Variants in ZRANB3 observed in about 807,000 individuals in gnomAD.
ZRANB3 encodes the protein zinc finger RANBP2-type containing 3, also known as DNA annealing helicase and endonuclease ZRANB3.
A neutral mutation model predicts 133.8 loss-of-function variants in ZRANB3; 125 were observed. The observed-to-expected ratio is 0.93, with a 90% confidence interval of 0.81 to 1.08. The LOEUF (loss-of-function observed/expected upper bound fraction) is 1.08. Ranked by LOEUF, ZRANB3 falls within the 50% of genes least tolerant of loss-of-function variation. The probability of loss-of-function intolerance (pLI) is 0.00; values close to 1 mark genes in which losing one functional copy is unlikely to be tolerated. For missense variants in ZRANB3, 1,229 were observed against 1,275.5 expected (o/e 0.96, Z 0.56); for synonymous variants, 387 against 432.7 (o/e 0.89, Z 1.31).
intron 8 of ZRANB3, among the ~76,000 whole-genome samples, chr2:135,301,589 C>T (rs1682435361): frequency 6.6e-6 from 1 of 152,134 alleles, no homozygotes; most frequent in African/African-American, 2.4e-5. Context: ...TTTTGGTTCC[C>T]TGAATATGTC....
chr2:135,385,339 A>C (rs1217084258), intron 3 of ZRANB3, among the ~76,000 whole-genome samples: 1 of 152,234 alleles, frequency 6.6e-6, no homozygotes, highest in Non-Finnish European at 1.5e-5. Flanking sequence ...ATGAAATAAA[A>C]GAGGATACAA....
chr2:135,398,246 T>C (rs1322060850), intron 2 of ZRANB3, among the ~76,000 whole-genome samples: 4 of 151,600 alleles, frequency 2.6e-5, no homozygotes, highest in Non-Finnish European at 5.9e-5. Flanking sequence ...TTTTGTTTTT[T>C]TAGTAGAGAC....
At chr2:135,219,268 T>C in intron 15 of ZRANB3, 90 bp from the exon 16 acceptor site, 3 of 858,466 alleles carry the variant, frequency 3.5e-6, no homozygotes, top group Non-Finnish European at 5.2e-6. Flanking sequence ...TATGACACAA[T>C]ATGCCTAGTC....
In ZRANB3 at chr2:135,219,085, G is replaced by A. The variant is rs1211413604; in HGVS notation, c.2344C>T (p.Arg782Cys). The A allele has an allele frequency of 6.7e-6, 10 of 1,499,426 alleles. No individual in the cohort carries two copies. The highest frequency in any genetic ancestry group is 2.5e-5 in the East Asian group (1 of 39,656). 92.9% of individuals were successfully genotyped at this position (1,499,426 alleles called of 1,614,324 possible). A position where few individuals can be genotyped will look rare whatever the true frequency, so the allele number is the denominator to read the frequency against. ...LPASFQLKQY[R>C]SLILRFVREW... Reference sequence around the variant, plus strand: ...TTTAAAACTATTCTTACCAGTGAGCGATATTGTTTCAGCTGAAAGCTTGCT... The same window carrying A: ...TTTAAAACTATTCTTACCAGTGAGCAATATTGTTTCAGCTGAAAGCTTGCT... Residue 782 changes from arginine (R) to cysteine (C), a missense_variant, in exon 16 of 21, where the codon CGC becomes TGC. Coordinates refer to ENST00000264159, the MANE Select transcript of ZRANB3 (RefSeq NM_032143.4).
chr2:135,485,185 A>AACATAACAT lies in ZRANB3; in HGVS notation c.161+19143_161+19144insATGTTATGT, dbSNP rs60574406. Among the ~76,000 whole-genome samples the AACATAACAT allele has an allele frequency of 1.6e-3, 189 of 121,690 alleles. 1 individual carries two copies. In the East Asian group the frequency reaches 0.029, roughly 19 times the overall value. The allele number at this position is 121,690 out of a possible 152,430, so 79.8% of individuals were successfully genotyped here. On this transcript the variant is annotated intron_variant, in intron 2 of 20. Coordinates refer to ENST00000264159, the MANE Select transcript of ZRANB3 (RefSeq NM_032143.4). ...AAACAAAACAAAACAAAACAAAACA[A>AACATAACAT]AACATAACATAACATAACATAACAT...
chr2:135,314,997 C>T (rs1222931291), intron 7 of ZRANB3, among the ~76,000 whole-genome samples: 1 of 152,098 alleles, frequency 6.6e-6, no homozygotes, highest in Non-Finnish European at 1.5e-5. Flanking sequence ...GATCTGCCGA[C>T]CTCAGGTGAT....
chr2:135,354,777 G>A (rs1193144978), intron 3 of ZRANB3, among the ~76,000 whole-genome samples: 2 of 152,200 alleles, frequency 1.3e-5, no homozygotes, highest in African/African-American at 4.8e-5. Flanking sequence ...GGAGGTGGGG[G>A]AGGGGAATAG....
rs1694676824 is a variant in ZRANB3 at position 135,224,441 on chromosome 2, A to C, written c.2235T>G (p.Ile745Met). The change falls in exon 15 of 21, where the codon ATT (isoleucine) becomes ATG (methionine). Residue 745 changes from isoleucine (I) to methionine (M), a missense_variant. Ile to Met is a conservative substitution (Grantham distance 10). Transcript: ENST00000264159. The part of the protein sequence containing the change: ...MFCASRNTDR[I>M]HIYTKDGKQM... ...TGACGCTTACCTTAGTATAGATGTGAATCCGGTCAGTATTCCTACTTGCAC... is the reference window on the plus strand; with the variant it reads ...TGACGCTTACCTTAGTATAGATGTGCATCCGGTCAGTATTCCTACTTGCAC... The C allele has an allele frequency of 6.2e-7, 1 of 1,612,530 alleles. No individual in the cohort carries two copies. The highest frequency in any genetic ancestry group is 8.5e-7 in the Non-Finnish European group (1 of 1,179,072).
chr2:135,455,677 C>T (rs767085824), intron 2 of ZRANB3, among the ~76,000 whole-genome samples: 33 of 150,328 alleles, frequency 2.2e-4, no homozygotes, highest in Non-Finnish European at 2.8e-4. Context: ...CTGCAAGTTC[C>T]GCCTCCCAGG....
chr2:135,403,867 T>C (rs1687867614), intron 2 of ZRANB3, among the ~76,000 whole-genome samples: 1 of 152,180 alleles, frequency 6.6e-6, no homozygotes, highest in South Asian at 2.1e-4. Context: ...TCCAGCAAAC[T>C]CCAACAGACC....
At chr2:135,429,656 A>G (rs578077442) in intron 2 of ZRANB3, among the ~76,000 whole-genome samples, 1 of 152,270 alleles carries the variant, frequency 6.6e-6, no homozygotes, top group African/African-American at 2.4e-5. Context: ...TTCATCTTCC[A>G]TATTGGAGAG....
At chr2:135,525,709 A>G (rs184303533) in intron 1 of ZRANB3, among the ~76,000 whole-genome samples, 1 of 152,008 alleles carries the variant, frequency 6.6e-6, no homozygotes, top group Non-Finnish European at 1.5e-5. Context: ...TTAGCCGGTC[A>G]TGGTGGTGCG....
chr2:135,216,597 G>C (rs1420743278), intron 17 of ZRANB3, among the ~76,000 whole-genome samples: 1 of 151,208 alleles, frequency 6.6e-6, no homozygotes, highest in Non-Finnish European at 1.5e-5. Context: ...GTGCCACCTG[G>C]CTAATTTTTT....
intron 2 of ZRANB3, among the ~76,000 whole-genome samples, chr2:135,448,229 A>T (rs1165689201): frequency 6.6e-6 from 1 of 152,216 alleles, no homozygotes; most frequent in Non-Finnish European, 1.5e-5. Context: ...ATGATTCATG[A>T]TCTTTCCTCT....
intron 12 of ZRANB3, among the ~76,000 whole-genome samples, chr2:135,255,641 G>T (rs1056929077): frequency 6.6e-6 from 1 of 152,026 alleles, no homozygotes; most frequent in African/African-American, 2.4e-5. Context: ...TTGAGCTGAG[G>T]AATTTGAGAC....
chr2:135,376,460 G>A (rs959550424), intron 3 of ZRANB3, among the ~76,000 whole-genome samples: 28 of 151,992 alleles, frequency 1.8e-4, no homozygotes, highest in African/African-American at 6.0e-4. Context: ...CTTTGTGAAC[G>A]AAAAAACGAA....
At chr2:135,214,716 A>ATATATG in intron 17 of ZRANB3, among the ~76,000 whole-genome samples, 1 of 152,194 alleles carries the variant, frequency 6.6e-6, no homozygotes, top group East Asian at 1.9e-4. Flanking sequence ...AAGTATGTGT[A>ATATATG]TATATGTATA....
chr2:135,369,309 TA>T (rs1185610396), intron 3 of ZRANB3, among the ~76,000 whole-genome samples: 1 of 152,064 alleles, frequency 6.6e-6, no homozygotes, highest in Non-Finnish European at 1.5e-5. Flanking sequence ...CTTAAATATA[TA>T]AAATTTCAAA....
At chr2:135,408,502 G>C (rs1688149625) in intron 2 of ZRANB3, among the ~76,000 whole-genome samples, 1 of 152,098 alleles carries the variant, frequency 6.6e-6, no homozygotes, top group African/African-American at 2.4e-5. Context: ...TATAAATCAT[G>C]CTGCTATAAA....
Sources: gnomAD v4.1 joint callset for allele counts (sites outside exome capture counted in the v4.1 genomes callset) on GRCh38, gnomAD v4.1.1 for gene constraint, MANE v1.5 for transcripts, NCBI Gene and HGNC (gene_info 2026-07-23, HGNC 2026-07-21) for gene names.